Variants in NAA60 observed in about 807,000 individuals in gnomAD.
NAA60 encodes N-alpha-acetyltransferase 60, NatF catalytic subunit.
A neutral mutation model predicts 26.1 loss-of-function variants in NAA60; 8 were observed. The observed-to-expected ratio is 0.31, with a 90% CI of 0.18 to 0.55. The LOEUF is 0.55. Among genes scored for constraint, NAA60 ranks in the 20% least tolerant of loss-of-function variants. The pLI, the probability that NAA60 is intolerant of heterozygous loss-of-function variation, is 0.93. For missense variants in NAA60, 290 were observed against 311.3 expected, an observed-to-expected ratio of 0.93 and a Z score of 0.51; for synonymous variants, 131 against 122.5, an observed-to-expected ratio of 1.07 and a Z score of -0.46.
chr16:3,448,363 G>T (rs975044460), intron 1 of NAA60, 108 bp from the exon 2 acceptor site: 1 of 823,670 alleles, frequency 1.2e-6, no homozygotes, highest in Non-Finnish European at 1.8e-6. Context: ...GGGCCCATCA[G>T]ATTGATACTC....
chr16:3,482,783 A>C, intron 5 of NAA60, 185 bp downstream of exon 5: 1 of 620,398 alleles, frequency 1.6e-6, no homozygotes, highest in East Asian at 2.8e-5. Flanking sequence ...CCCTGCCAGC[A>C]CACCCACCAC....
chr16:3,480,412 C>T (rs1037540026), intron 4 of NAA60, among the ~76,000 whole-genome samples: 2 of 151,972 alleles, frequency 1.3e-5, no homozygotes, highest in African/African-American at 4.8e-5. Flanking sequence ...GCCTGGCCAA[C>T]ATGGTGAAAC....
chr16:3,455,620 C>T (rs1596294642), intron 2 of NAA60, among the ~76,000 whole-genome samples: 1 of 151,814 alleles, frequency 6.6e-6, no homozygotes, highest in South Asian at 2.1e-4. Flanking sequence ...TGCTCTTGAT[C>T]TCCTGACCTC....
rs766562723 is a variant in NAA60 at position 3,479,541 on chromosome 16, G to A, written c.181G>A (p.Gly61Ser). The change falls in exon 4 of 8, where the codon GGT (glycine) becomes AGT (serine). Residue 61 changes from glycine to serine, a missense_variant. Transcript: ENST00000407558. ...CTTTTCCCTTGCTGCAACCTACAGA[G>A]GTGCCATTGTGGGAATGATAGTAGC... ...KFFSLAATYR[G>S]AIVGMIVAEI... The A allele has an allele frequency of 1.5e-4, 247 of 1,613,944 alleles. No individual in the cohort carries two copies. Among genetic ancestry groups the A allele is most frequent in the Non-Finnish European group, 2.0e-4 (240 of 1,179,898 alleles).
At chr16:3,448,062 G>A (rs1231272107) in intron 1 of NAA60, among the ~76,000 whole-genome samples, 1 of 152,066 alleles carries the variant, frequency 6.6e-6, no homozygotes, top group Non-Finnish European at 1.5e-5. Flanking sequence ...CTCCTGGAGG[G>A]TAGTAAGAGG....
chr16:3,458,234 G>C (rs2035115264), intron 2 of NAA60: 4 of 971,554 alleles, frequency 4.1e-6, no homozygotes, highest in Non-Finnish European at 3.7e-6. Context: ...GGGGCGCCGA[G>C]GGGGCGGGGT....
chr16:3,485,335 C>T (rs1398906844), intron 7 of NAA60, 132 bp from the exon 8 acceptor site: 3 of 493,430 alleles, frequency 6.1e-6, no homozygotes, highest in East Asian at 5.8e-5. Context: ...TGCAGGCAGA[C>T]ACCATGGCCT....
chr16:3,471,401 G>A (rs1567385233), intron 2 of NAA60, among the ~76,000 whole-genome samples: 1 of 152,116 alleles, frequency 6.6e-6, no homozygotes, highest in Non-Finnish European at 1.5e-5. Flanking sequence ...TACTCGGGAG[G>A]CTGAGGCAGG....
In NAA60 at chr16:3,453,254, T is replaced by C. The variant is rs181962918; in HGVS notation, c.-7+4714T>C. On this transcript the variant is annotated intron_variant, in intron 2 of 7. Transcript: ENST00000407558. ...TCTACTAAAAATACAAAAAATTAGCTGGGCATGGTGGCATGCACCTGTAGT... is the reference window on the plus strand; with the variant it reads ...TCTACTAAAAATACAAAAAATTAGCCGGGCATGGTGGCATGCACCTGTAGT... 6.6e-3 allele frequency among the ~76,000 whole-genome samples: 996 copies of C among 151,980 alleles called. 18 individuals are homozygous for C. The highest frequency in any genetic ancestry group is 0.022 in the African/African-American group (925 of 41,452).
intron 2 of NAA60, among the ~76,000 whole-genome samples, chr16:3,467,327 C>A (rs776459565): frequency 6.6e-6 from 1 of 151,700 alleles, no homozygotes; most frequent in African/African-American, 2.4e-5. Context: ...GAGCTGTGGG[C>A]GGGAAGAGAG....
intron 2 of NAA60, among the ~76,000 whole-genome samples, chr16:3,466,848 T>C (rs1292614744): frequency 6.6e-6 from 1 of 152,026 alleles, no homozygotes; most frequent in Non-Finnish European, 1.5e-5. Context: ...GGGACAGCTG[T>C]TGGTGCACCT....
At chr16:3,473,124 C>T (rs1282060673) in intron 2 of NAA60, among the ~76,000 whole-genome samples, 4 of 152,116 alleles carry the variant, frequency 2.6e-5, no homozygotes, top group Non-Finnish European at 5.9e-5. Context: ...CAACCTCTGC[C>T]ACCCGGGTTC....
intron 1 of NAA60, 114 bp downstream of exon 1, chr16:3,443,951 T>C (rs2034445299): frequency 7.1e-7 from 1 of 1,399,828 alleles, no homozygotes; most frequent in Admixed American, 3.0e-5. Context: ...CTTTGTGTCT[T>C]GAGCGGATGG....
In NAA60 at chr16:3,484,752, T is replaced by C. The variant is rs2037065465; in HGVS notation, c.626T>C (p.Ile209Thr). The stretch of plus-strand genomic sequence containing the variant: ...CTAGCCAGCCTGAGCCCCTGCTCCA[T>C]TCCGCACAGAGTCTACCGCCAGGCC... Reference protein sequence around the residue: ...SALASLSPCSIPHRVYRQAHS... With the variant: ...SALASLSPCSTPHRVYRQAHS... The change falls in exon 7 of 8, where the codon ATT becomes ACT. Residue 209 changes from isoleucine to threonine, a missense_variant. Physicochemically the swap from Ile to Thr is moderately conservative, Grantham distance 89. Transcript: ENST00000407558. 1 of 1,595,350 alleles carries C rather than the reference T, an allele frequency of 6.3e-7. No individual in the cohort carries two copies. Among genetic ancestry groups the C allele is most frequent in the East Asian group, 2.3e-5 (1 of 43,560 alleles).
At chr16:3,481,382 G>C (rs2036820351) in intron 4 of NAA60, among the ~76,000 whole-genome samples, 1 of 152,198 alleles carries the variant, frequency 6.6e-6, no homozygotes, top group African/African-American at 2.4e-5. Context: ...ACCGTGCCCA[G>C]CCTGATCTCT....
At chr16:3,472,490 C>T (rs2150994816) in intron 2 of NAA60, 1 of 151,930 alleles carries the variant, frequency 6.6e-6, no homozygotes, top group African/African-American at 2.4e-5. Context: ...AATCTTGGCT[C>T]ACTGCAACCT....
At chr16:3,443,627 C>T, upstream of NAA60, 4 of 945,078 alleles carry the variant, frequency 4.2e-6, no homozygotes, top group South Asian at 4.1e-5. Flanking sequence ...GGACCTGTAG[C>T]CACTGGGCAG....
At position 3,470,390 on chromosome 16, in the gene NAA60, G is replaced by A. The variant is rs139924989; in HGVS notation, c.-6-5832G>A. On this transcript the variant is annotated intron_variant, in intron 2 of 7. Transcript: ENST00000407558. ...AGAGGCACAGAGCTCCCGTCACAGCGGCTGGGTGACAGCAGTAATTCTCGC... is the reference window on the plus strand; with the variant it reads ...AGAGGCACAGAGCTCCCGTCACAGCAGCTGGGTGACAGCAGTAATTCTCGC... Among the ~76,000 whole-genome samples, 1,309 of 152,304 alleles carry A rather than the reference G, an allele frequency of 8.6e-3. 9 individuals are homozygous for A. Among genetic ancestry groups the A allele is most frequent in the Middle Eastern group, 0.041 (12 of 294 alleles).
intron 2 of NAA60, among the ~76,000 whole-genome samples, chr16:3,473,871 A>T (rs1225415718): frequency 3.3e-5 from 5 of 151,858 alleles, no homozygotes; most frequent in Non-Finnish European, 5.9e-5. Flanking sequence ...AGTAGCCGGG[A>T]TTATAGGCAC....
Sources: allele counts gnomAD v4.1 joint callset (sites outside exome capture counted in the v4.1 genomes callset), GRCh38; gene constraint gnomAD v4.1.1; transcripts MANE v1.5; gene names NCBI Gene and HGNC (gene_info 2026-07-23, HGNC 2026-07-21).